The following MCPH1 variants were observed in gnomAD, a reference collection of about 807,000 sequenced individuals.
MCPH1 encodes microcephalin 1, also known as microcephalin.
In MCPH1, 104 loss-of-function variants were observed where a neutral mutation model predicts 84.5. The ratio of observed to expected loss-of-function variants is 1.23; its 90% CI spans 1.05 to 1.45. MCPH1 has a LOEUF of 1.45. MCPH1 is among the 40% of genes most tolerant of loss of function. The pLI, the probability that MCPH1 is intolerant of heterozygous loss-of-function variation, is 0.00. For synonymous variants in MCPH1, 514 were observed against 366.8 expected, an observed-to-expected ratio of 1.40 and a Z score of -4.58; for missense variants, 1,498 against 1,005.7, an observed-to-expected ratio of 1.49 and a Z score of -6.62.
chr8:6,437,285 C>A (rs977652212), intron 5 of MCPH1, among the ~76,000 whole-genome samples: 2 of 151,942 alleles, frequency 1.3e-5, no homozygotes, highest in Non-Finnish European at 2.9e-5. Flanking sequence ...GGCTGGAGTG[C>A]AGTGGTGCGA....
At chr8:6,469,394 T>C (rs1807425666) in intron 9 of MCPH1, among the ~76,000 whole-genome samples, 1 of 152,218 alleles carries the variant, frequency 6.6e-6, no homozygotes, top group Non-Finnish European at 1.5e-5. Flanking sequence ...CTTTACACGA[T>C]GTAGCTGCCA....
chr8:6,617,987 G>T lies in MCPH1; in HGVS notation c.2215-3467G>T, dbSNP rs537083618. On this transcript the variant is annotated intron_variant, in intron 12 of 13. Transcript: ENST00000344683. The stretch of plus-strand genomic sequence containing the variant: ...GGGTCTGCCTATGTTGCCCAGGCTG[G>T]TCTCAAACTCCTGGGCTTAAGCAAT... Among the ~76,000 whole-genome samples, 3 of 149,444 alleles carry T rather than the reference G, an allele frequency of 2.0e-5. No individual in the cohort carries two copies. In the South Asian group the frequency reaches 6.3e-4, roughly 31 times the overall value.
chr8:6,448,864 C>T (rs903065689), intron 8 of MCPH1, among the ~76,000 whole-genome samples: 4 of 151,980 alleles, frequency 2.6e-5, no homozygotes, highest in Non-Finnish European at 4.4e-5. Context: ...GAGACCAAAT[C>T]GAGGTATGTA....
chr8:6,540,637 A>G (rs1821379226), intron 12 of MCPH1, among the ~76,000 whole-genome samples: 1 of 152,236 alleles, frequency 6.6e-6, no homozygotes, highest in Admixed American at 6.5e-5. Flanking sequence ...AAGAATAGTT[A>G]CAGCAGCTTA....
chr8:6,410,610 C>G (rs149466500), intron 2 of MCPH1, among the ~76,000 whole-genome samples: 1 of 152,144 alleles, frequency 6.6e-6, no homozygotes, highest in Non-Finnish European at 1.5e-5. Context: ...CTTTTGCCCA[C>G]GCACACTAAA....
At chr8:6,438,251 A>G (rs1802965961) in intron 5 of MCPH1, among the ~76,000 whole-genome samples, 1 of 152,232 alleles carries the variant, frequency 6.6e-6, no homozygotes, top group Non-Finnish European at 1.5e-5. Context: ...TAAAAACTAT[A>G]TGTATAAAGT....
intron 12 of MCPH1, among the ~76,000 whole-genome samples, chr8:6,545,212 G>A (rs535957324): frequency 9.2e-5 from 14 of 152,264 alleles, no homozygotes; most frequent in South Asian, 6.2e-4. Flanking sequence ...GCAGTGGCAC[G>A]AGGGAGCCTT....
chr8:6,575,099 T>C (rs1271946485), intron 12 of MCPH1, among the ~76,000 whole-genome samples: 2 of 152,062 alleles, frequency 1.3e-5, no homozygotes, highest in Admixed American at 6.5e-5. Context: ...ACACATTCAG[T>C]TTAAATTGGC....
chr8:6,564,783 C>G (rs374717987), intron 12 of MCPH1, among the ~76,000 whole-genome samples: 1 of 152,208 alleles, frequency 6.6e-6, no homozygotes, highest in Non-Finnish European at 1.5e-5. Context: ...CAGAAATCAG[C>G]TCTTTTTATT....
intron 12 of MCPH1, among the ~76,000 whole-genome samples, chr8:6,592,615 T>TTTC (rs1828565253): frequency 2.3e-5 from 1 of 43,924 alleles, no homozygotes; most frequent in African/African-American, 7.8e-5. Context: ...TTTTTCTTTC[T>TTTC]TTTTTTTGTT....
At chr8:6,522,941 G>A (rs1021379147) in intron 12 of MCPH1, among the ~76,000 whole-genome samples, 3 of 151,706 alleles carry the variant, frequency 2.0e-5, no homozygotes, top group African/African-American at 2.4e-5. Flanking sequence ...TCTAACCAGC[G>A]CTATGGCATG....
At chr8:6,525,333 G>A (rs540193173) in intron 12 of MCPH1, among the ~76,000 whole-genome samples, 7 of 152,278 alleles carry the variant, frequency 4.6e-5, no homozygotes, top group African/African-American at 1.4e-4. Context: ...AGGTTCAAGC[G>A]ATCCACCTGC....
At chr8:6,455,984 C>G (rs57065903) in intron 9 of MCPH1, among the ~76,000 whole-genome samples, 1,819 of 152,184 alleles carry the variant, frequency 0.012, 37 homozygotes, top group African/African-American at 0.042. Flanking sequence ...GGTCCTGATA[C>G]GCAGGCTTGA....
At chr8:6,532,585 A>AG in intron 12 of MCPH1, 1 of 891,478 alleles carries the variant, frequency 1.1e-6, no homozygotes, top group Non-Finnish European at 1.6e-6. Flanking sequence ...AAAAAAAAAA[A>AG]AAAAAAATCT....
At chr8:6,431,022 C>G (rs1801758467) in intron 3 of MCPH1, among the ~76,000 whole-genome samples, 1 of 152,154 alleles carries the variant, frequency 6.6e-6, no homozygotes, top group Non-Finnish European at 1.5e-5. Context: ...TGGTTGCACA[C>G]CTGGGCCTTG....
In MCPH1 at chr8:6,644,901, G is replaced by A. The variant is rs111887527; in HGVS notation, c.*1852G>A. 5 of 152,056 alleles carry A rather than the reference G, an allele frequency of 3.3e-5. No homozygotes were observed. Among genetic ancestry groups the A allele is most frequent in the Non-Finnish European group, 5.9e-5 (4 of 68,018 alleles). 9.4% of individuals were successfully genotyped at this position (152,056 alleles called of 1,614,324 possible). On this transcript the variant is annotated 3_prime_UTR_variant, in exon 14 of 14. Transcript: ENST00000344683. ...ACCACAGAAACTGGAAATAATGAAGGGTTGTCTCTTGGTTTTAAAATAATG... is the reference window on the plus strand; with the variant it reads ...ACCACAGAAACTGGAAATAATGAAGAGTTGTCTCTTGGTTTTAAAATAATG...
At chr8:6,559,973 T>A (rs898263621) in intron 12 of MCPH1, among the ~76,000 whole-genome samples, 22 of 152,248 alleles carry the variant, frequency 1.4e-4, no homozygotes, top group Non-Finnish European at 2.9e-5. Context: ...GCCGGACAGA[T>A]TAAAGGGGCA....
intron 8 of MCPH1, among the ~76,000 whole-genome samples, chr8:6,449,369 C>T (rs1466536763): frequency 2.0e-5 from 3 of 152,150 alleles, no homozygotes; most frequent in East Asian, 3.9e-4. Context: ...TGTGATGGCT[C>T]ACGCCTGTAA....
intron 9 of MCPH1, among the ~76,000 whole-genome samples, chr8:6,461,714 C>T (rs1435767536): frequency 1.3e-5 from 2 of 152,112 alleles, no homozygotes; most frequent in African/African-American, 4.8e-5. Flanking sequence ...GCATGTAGGT[C>T]ATTGACATTG....
Sources: gnomAD v4.1 joint callset for allele counts (sites outside exome capture counted in the v4.1 genomes callset) on GRCh38, gnomAD v4.1.1 for gene constraint, MANE v1.5 for transcripts, NCBI Gene and HGNC (gene_info 2026-07-23, HGNC 2026-07-21) for gene names.